EMILIN2: variants seen among roughly 807,000 people sequenced by gnomAD.
EMILIN2 encodes the protein elastin microfibril interfacer 2, also known as EMILIN-2.
EMILIN2 carries 71 observed loss-of-function variants against 87.1 expected under a neutral mutation model. The ratio of observed to expected loss-of-function variants is 0.82; its 90% CI spans 0.67 to 0.99. EMILIN2 has a LOEUF of 0.99. Ranked by LOEUF, EMILIN2 falls within the 50% of genes least tolerant of loss-of-function variation. EMILIN2 has a pLI of 0.00. For synonymous variants in EMILIN2, 581 were observed against 563.4 expected (o/e 1.03, Z -0.44); for missense variants, 1,407 against 1,371.8 (o/e 1.03, Z -0.40).
In EMILIN2 at chr18:2,847,200, C is replaced by T; in HGVS notation, c.12C>T (p.Pro4=). The part of the protein sequence containing the change: MWQ[P]RRPWPRVPWR... ...CCGCTGCGCGCGGGATGTGGCAGCCCAGACGGCCCTGGCCCCGCGTGCCCT... is the reference window on the plus strand; with the variant it reads ...CCGCTGCGCGCGGGATGTGGCAGCCTAGACGGCCCTGGCCCCGCGTGCCCT... The change falls in exon 1 of 8, where the codon CCC becomes CCT. Residue 4 remains proline, a synonymous_variant. Transcript: ENST00000254528. The surrounding 1 kb of genome is among the most constrained non-coding windows in gnomAD (Gnocchi z 4.5). 8.3e-7 allele frequency: 1 copy of T among 1,197,786 alleles called. No individual in the cohort carries two copies. The highest frequency in any genetic ancestry group is 1.0e-6 in the Non-Finnish European group (1 of 967,860). The allele number at this position is 1,197,786 out of a possible 1,614,324, so 74.2% of individuals were successfully genotyped here.
At chr18:2,896,708 A>G (rs1345443501) in intron 4 of EMILIN2, among the ~76,000 whole-genome samples, 1 of 151,996 alleles carries the variant, frequency 6.6e-6, no homozygotes, top group African/African-American at 2.4e-5. Flanking sequence ...GCTGGTCTCA[A>G]ACTCTTGGAC....
chr18:2,873,523 C>T lies in EMILIN2; in HGVS notation c.258-11441C>T, dbSNP rs369543693. 4.6e-3 allele frequency among the ~76,000 whole-genome samples: 692 copies of T among 151,882 alleles called. 5 individuals are homozygous for T. The highest frequency in any genetic ancestry group is 6.5e-3 in the Non-Finnish European group (439 of 67,954). On this transcript the variant is annotated intron_variant, in intron 2 of 7. Coordinates refer to ENST00000254528, the MANE Select transcript of EMILIN2 (RefSeq NM_032048.3). ...GAGATCGAGACCATCCTGGCTAACA[C>T]GGTGAAACCCCATCTCTACTAAAAA...
Position 2,891,202 on chromosome 18 carries a change from G to C in EMILIN2, c.1075G>C (p.Gly359Arg). The C allele has an allele frequency of 1.9e-6, 3 of 1,614,230 alleles. No homozygotes were observed. Among genetic ancestry groups the C allele is most frequent in the Non-Finnish European group, 2.5e-6 (3 of 1,180,052 alleles). Reference protein sequence around the residue: ...TGLQQQCDDYGSSYLGVIELI... With the variant: ...TGLQQQCDDYRSSYLGVIELI... ...CCTCCAGCAGCAGTGTGATGACTAT[G>C]GGAGCAGCTACCTGGGAGTGATAGA... The change falls in exon 4 of 8, where the codon GGG becomes CGG. Residue 359 changes from glycine (G) to arginine (R), a missense_variant. Coordinates refer to ENST00000254528, the MANE Select transcript of EMILIN2 (RefSeq NM_032048.3). The surrounding 1 kb of genome is among the most constrained non-coding windows in gnomAD (Gnocchi z 4.6).
At chr18:2,881,997 G>C (rs529836497) in intron 2 of EMILIN2, among the ~76,000 whole-genome samples, 1 of 152,212 alleles carries the variant, frequency 6.6e-6, no homozygotes, top group African/African-American at 2.4e-5. Flanking sequence ...ATCTCCAGGT[G>C]GGGCCGCTTC....
intron 2 of EMILIN2, among the ~76,000 whole-genome samples, chr18:2,858,142 T>G (rs2076637186): frequency 6.6e-6 from 1 of 152,104 alleles, no homozygotes; most frequent in Non-Finnish European, 1.5e-5. Flanking sequence ...GGAAGCACTT[T>G]TTGTTGTATT....
At chr18:2,896,471 C>T (rs145325948) in intron 4 of EMILIN2, among the ~76,000 whole-genome samples, 20 of 152,024 alleles carry the variant, frequency 1.3e-4, no homozygotes, top group African/African-American at 4.6e-4. Flanking sequence ...ACATTGCACC[C>T]GGTCAGATAT....
chr18:2,853,101 C>T (rs2076609478), intron 2 of EMILIN2, among the ~76,000 whole-genome samples: 1 of 152,214 alleles, frequency 6.6e-6, no homozygotes, highest in Non-Finnish European at 1.5e-5. Context: ...CTCTAAATAA[C>T]ACCTAGCTGC....
chr18:2,912,032 C>CT (rs35260656), intron 7 of EMILIN2, among the ~76,000 whole-genome samples: 4,160 of 73,034 alleles, frequency 0.057, 295 homozygotes, highest in African/African-American at 0.13. Flanking sequence ...CTGACAACCA[C>CT]TTTTTTTTTT....
intron 2 of EMILIN2, among the ~76,000 whole-genome samples, chr18:2,860,049 G>T (rs998361020): frequency 1.4e-4 from 21 of 152,108 alleles, no homozygotes; most frequent in African/African-American, 4.1e-4. Context: ...CTTTGGCTAT[G>T]TGGGCTCTTT....
chr18:2,906,590 TC>T (rs2076913456), intron 4 of EMILIN2, 192 bp from the exon 5 acceptor site: 1 of 406,596 alleles, frequency 2.5e-6, no homozygotes, highest in Admixed American at 4.6e-5. Context: ...CCCGGCGGCG[TC>T]CGGGTGGCCC....
At chr18:2,907,932 A>C (rs1470107467) in intron 5 of EMILIN2, among the ~76,000 whole-genome samples, 1 of 152,240 alleles carries the variant, frequency 6.6e-6, no homozygotes, top group Non-Finnish European at 1.5e-5. Flanking sequence ...CATCAGGGAC[A>C]TGCAGACACT....
At chr18:2,853,040 G>A (rs2076609134) in intron 2 of EMILIN2, among the ~76,000 whole-genome samples, 2 of 152,144 alleles carry the variant, frequency 1.3e-5, no homozygotes, top group South Asian at 4.1e-4. Context: ...GAGAAGGAAA[G>A]GGGCACCATC....
intron 4 of EMILIN2, among the ~76,000 whole-genome samples, chr18:2,903,144 T>G (rs1598504449): frequency 1.5e-5 from 2 of 133,450 alleles, no homozygotes; most frequent in Non-Finnish European, 1.6e-5. Flanking sequence ...GAGAGAGGAG[T>G]GATGTCAGAT....
chr18:2,907,390 C>CAGA (rs1465359412), intron 5 of EMILIN2, among the ~76,000 whole-genome samples: 1 of 152,184 alleles, frequency 6.6e-6, no homozygotes, highest in Non-Finnish European at 1.5e-5. Context: ...TCTTGGAAGC[C>CAGA]AGAAGGGTAT....
At chr18:2,900,073 T>TC (rs2076881684) in intron 4 of EMILIN2, among the ~76,000 whole-genome samples, 1 of 152,190 alleles carries the variant, frequency 6.6e-6, no homozygotes, top group South Asian at 2.1e-4. Flanking sequence ...TATTTTGGTG[T>TC]CAATATGGTC....
At chr18:2,883,164 C>T (rs1262823727) in intron 2 of EMILIN2, among the ~76,000 whole-genome samples, 3 of 152,018 alleles carry the variant, frequency 2.0e-5, no homozygotes, top group Non-Finnish European at 4.4e-5. Flanking sequence ...GGGTGCCTAG[C>T]CAGTCCCAGC....
chr18:2,876,796 C>T (rs531850737), intron 2 of EMILIN2, among the ~76,000 whole-genome samples: 1 of 152,274 alleles, frequency 6.6e-6, no homozygotes, highest in East Asian at 1.9e-4. Flanking sequence ...TACAAAGCTA[C>T]ATTGTAATCT....
intron 4 of EMILIN2, among the ~76,000 whole-genome samples, chr18:2,901,242 C>T (rs1181935484): frequency 6.6e-6 from 1 of 152,202 alleles, no homozygotes; most frequent in African/African-American, 2.4e-5. Flanking sequence ...CCTTAGTTGC[C>T]AAGAACAGGG....
Position 2,892,095 on chromosome 18 carries a change from G to C in EMILIN2, c.1968G>C (p.Leu656=). ...VGEQERTVDT[L]PSPQHPVAHC... ...AGCAAGAAAGGACAGTGGACACCCT[G>C]CCGTCCCCCCAGCACCCCGTGGCTC... The change falls in exon 4 of 8, where the codon CTG becomes CTC. Residue 656 remains leucine (L), a synonymous_variant. Coordinates refer to ENST00000254528, the MANE Select transcript of EMILIN2 (RefSeq NM_032048.3). 1 of 1,613,902 alleles carries C rather than the reference G, an allele frequency of 6.2e-7. No homozygotes were observed. Among genetic ancestry groups the C allele is most frequent in the Non-Finnish European group, 8.5e-7 (1 of 1,179,816 alleles).
Sources: gnomAD v4.1 joint callset for allele counts (sites outside exome capture counted in the v4.1 genomes callset) on GRCh38, gnomAD v4.1.1 for gene constraint, Gnocchi (gnomAD v3.1) non-coding constraint, MANE v1.5 for transcripts, NCBI Gene and HGNC (gene_info 2026-07-23, HGNC 2026-07-21) for gene names.